Variants in VGLL3 observed in about 807,000 individuals in gnomAD.
The protein encoded by VGLL3 is transcription cofactor vestigial-like protein 3.
Under a neutral mutation model 29.2 loss-of-function variants are expected in VGLL3, and 18 were observed. That is an observed-to-expected ratio of 0.62 (90% CI 0.43 to 0.91). The LOEUF (loss-of-function observed/expected upper bound fraction) is 0.91, where lower values mean the gene tolerates loss of function less well. Among genes scored for constraint, VGLL3 ranks in the 40% least tolerant of loss-of-function variants. VGLL3 has a pLI of 0.00. For synonymous variants in VGLL3, 180 were observed against 151.8 expected (o/e 1.19, Z -1.36); for missense variants, 440 against 413.2 (o/e 1.06, Z -0.56).
intron 1 of VGLL3, among the ~76,000 whole-genome samples, chr3:86,981,924 C>T (rs1705333757): frequency 6.6e-6 from 1 of 152,082 alleles, no homozygotes; most frequent in South Asian, 2.1e-4. Flanking sequence ...CTCAAAGTAT[C>T]CAAATGGCCT....
chr3:86,953,484 A>G (rs1383138623), intron 3 of VGLL3, among the ~76,000 whole-genome samples: 3 of 152,202 alleles, frequency 2.0e-5, no homozygotes, highest in Admixed American at 2.0e-4. Flanking sequence ...TACATTTCTT[A>G]GAAAAATATA....
In VGLL3 at chr3:86,990,700, G is replaced by T; in HGVS notation, c.44C>A (p.Ala15Glu). Reference sequence around the variant, plus strand: ...CATGGGGTTGGGCAGATACTGGGACGCTCCATAAGGCTGGGGGTGATACAT... The same window carrying T: ...CATGGGGTTGGGCAGATACTGGGACTCTCCATAAGGCTGGGGGTGATACAT... Reference protein sequence around the residue: ...EVMYHPQPYGASQYLPNPMAA... With the variant: ...EVMYHPQPYGESQYLPNPMAA... The change falls in exon 1 of 4, where the codon GCG becomes GAG. Residue 15 changes from alanine to glutamate, a missense_variant. Ala to Glu is a moderately radical substitution (Grantham distance 107). Transcript: ENST00000398399. 1 of 1,429,422 alleles carries T rather than the reference G, an allele frequency of 7.0e-7. No individual in the cohort carries two copies. Among genetic ancestry groups the T allele is most frequent in the Non-Finnish European group, 9.2e-7 (1 of 1,091,032 alleles). The allele number at this position is 1,429,422 out of a possible 1,614,324, so 88.5% of individuals were successfully genotyped here.
At chr3:86,983,577 G>T in intron 1 of VGLL3, among the ~76,000 whole-genome samples, 1 of 152,000 alleles carries the variant, frequency 6.6e-6, no homozygotes, top group East Asian at 1.9e-4. Flanking sequence ...GTAGTGACAG[G>T]ATCTCACTAT....
chr3:86,967,228 A>G (rs1261374819), intron 3 of VGLL3, among the ~76,000 whole-genome samples: 1 of 152,148 alleles, frequency 6.6e-6, no homozygotes, highest in Non-Finnish European at 1.5e-5. Context: ...CCTGCTGTCC[A>G]TGAAGGCAGC....
chr3:86,957,726 G>T (rs1345176335), intron 3 of VGLL3, among the ~76,000 whole-genome samples: 2 of 152,074 alleles, frequency 1.3e-5, no homozygotes, highest in Non-Finnish European at 2.9e-5. Context: ...ACATTGACCA[G>T]GATTTTTATG....
intron 3 of VGLL3, among the ~76,000 whole-genome samples, chr3:86,947,872 C>CAGTT (rs1210432811): frequency 6.6e-6 from 1 of 151,766 alleles, no homozygotes; most frequent in Non-Finnish European, 1.5e-5. Flanking sequence ...GTGTCTAATA[C>CAGTT]AGTTAATTGA....
intron 3 of VGLL3, among the ~76,000 whole-genome samples, chr3:86,967,996 A>C (rs1441508730): frequency 7.2e-5 from 11 of 152,132 alleles, no homozygotes; most frequent in Non-Finnish European, 1.2e-4. Flanking sequence ...GAGGAGAGGA[A>C]CAAAGGAGGA....
At chr3:86,972,973 A>C (rs1465175852) in intron 2 of VGLL3, among the ~76,000 whole-genome samples, 3 of 152,094 alleles carry the variant, frequency 2.0e-5, no homozygotes, top group African/African-American at 7.2e-5. Flanking sequence ...CAGTAATCTC[A>C]CTATCTGATT....
At chr3:86,947,951 G>GT (rs562168886) in intron 3 of VGLL3, among the ~76,000 whole-genome samples, 227 of 146,676 alleles carry the variant, frequency 1.5e-3, no homozygotes, top group African/African-American at 3.7e-3. Context: ...CTTTTATTTT[G>GT]TTTTTTTTTT....
intron 3 of VGLL3, among the ~76,000 whole-genome samples, chr3:86,959,547 A>T (rs537182393): frequency 6.6e-6 from 1 of 152,266 alleles, no homozygotes; most frequent in South Asian, 2.1e-4. Context: ...TTTTAACATA[A>T]ATCAAACTAT....
intron 2 of VGLL3, among the ~76,000 whole-genome samples, chr3:86,974,798 C>A (rs1006247621): frequency 1.3e-5 from 2 of 152,136 alleles, no homozygotes; most frequent in African/African-American, 4.8e-5. Flanking sequence ...CCTTTCTAAG[C>A]ATCATTGCCA....
intron 3 of VGLL3, chr3:86,961,777 T>C: frequency 3.4e-6 from 1 of 297,740 alleles, no homozygotes; most frequent in Non-Finnish European, 5.0e-6. Flanking sequence ...AAGGTGAAAG[T>C]CATTCACAAA....
chr3:86,962,385 C>A (rs1704870554), intron 3 of VGLL3: 1 of 985,310 alleles, frequency 1.0e-6, no homozygotes, highest in East Asian at 1.1e-4. Context: ...CAGTATGGAT[C>A]CTTTTAAATT....
At chr3:86,963,791 G>T (rs1704905417) in intron 3 of VGLL3, among the ~76,000 whole-genome samples, 1 of 152,168 alleles carries the variant, frequency 6.6e-6, no homozygotes, top group South Asian at 2.1e-4. Context: ...TAAAGTCATT[G>T]GTCCAAAGTC....
intron 3 of VGLL3, among the ~76,000 whole-genome samples, chr3:86,965,404 A>T (rs1018573017): frequency 1.3e-5 from 2 of 152,124 alleles, no homozygotes; most frequent in Non-Finnish European, 2.9e-5. Flanking sequence ...GTTCAGGCCA[A>T]TGTGGCACAG....
intron 2 of VGLL3, among the ~76,000 whole-genome samples, chr3:86,970,676 A>G (rs1443301098): frequency 2.0e-5 from 3 of 152,142 alleles, no homozygotes; most frequent in African/African-American, 4.8e-5. Context: ...CAGGGTCTCA[A>G]TGGGCTTTGA....
chr3:86,988,640 C>CAAAAAGAAAAAAA (rs1705503595), intron 1 of VGLL3, among the ~76,000 whole-genome samples: 1 of 13,756 alleles, frequency 7.3e-5, no homozygotes, highest in African/African-American at 1.2e-4. Flanking sequence ...TTTACTTGAC[C>CAAAAAGAAAAAAA]AAAAAAAAAA....
At position 86,942,901 on chromosome 3, in the gene VGLL3, T is replaced by C. The variant is rs1486678283; in HGVS notation, c.*4123A>G. 6.6e-6 allele frequency: 1 copy of C among 152,158 alleles called. No individual in the cohort carries two copies. The highest frequency in any genetic ancestry group is 1.5e-5 in the Non-Finnish European group (1 of 68,030). 9.4% of individuals were successfully genotyped at this position (152,158 alleles called of 1,614,324 possible). A position where few individuals can be genotyped will look rare whatever the true frequency, so the allele number is the denominator to read the frequency against. ...GATATGGATGTGAAGAGAAGAGACC[T>C]TTGGGAGCTCAATTTAATGAACTAC... On this transcript the variant is annotated 3_prime_UTR_variant, in exon 4 of 4. Transcript: ENST00000398399.
intron 3 of VGLL3, among the ~76,000 whole-genome samples, chr3:86,954,428 C>G (rs1704676616): frequency 6.6e-6 from 1 of 152,146 alleles, no homozygotes; most frequent in South Asian, 2.1e-4. Context: ...CACAAACTCT[C>G]CTGTGCACAG....
Sources: allele counts gnomAD v4.1 joint callset (sites outside exome capture counted in the v4.1 genomes callset), GRCh38; gene constraint gnomAD v4.1.1; transcripts MANE v1.5; gene names NCBI Gene and HGNC (gene_info 2026-07-23, HGNC 2026-07-21).